The following TCF12 variants were observed in gnomAD, a reference collection of about 807,000 sequenced individuals.
TCF12 encodes DNA-binding protein HTF4.
A neutral mutation model predicts 86.0 loss-of-function variants in TCF12; 45 were observed. The observed-to-expected ratio is 0.52, with a 90% CI of 0.41 to 0.67. The LOEUF is 0.67. Among genes scored for constraint, TCF12 ranks in the 30% least tolerant of loss-of-function variants. The probability of loss-of-function intolerance (pLI) is 0.00; values close to 1 mark genes in which losing one functional copy is unlikely to be tolerated. For synonymous variants in TCF12, 330 were observed against 299.6 expected (o/e 1.10, Z -1.05); for missense variants, 881 against 859.9 (o/e 1.02, Z -0.31).
chr15:57,130,895 G>A (rs1337243820), intron 5 of TCF12, among the ~76,000 whole-genome samples: 2 of 152,042 alleles, frequency 1.3e-5, no homozygotes, highest in Non-Finnish European at 1.5e-5. Flanking sequence ...TTAGGTAACT[G>A]GTCCAAAAGT....
chr15:57,147,439 A>G (rs2053434294), intron 5 of TCF12, among the ~76,000 whole-genome samples: 1 of 152,196 alleles, frequency 6.6e-6, no homozygotes, highest in Non-Finnish European at 1.5e-5. Flanking sequence ...TGTTTTTTAA[A>G]TTAATCCTGC....
intron 4 of TCF12, among the ~76,000 whole-genome samples, chr15:57,087,353 G>A (rs1201864831): frequency 2.0e-5 from 3 of 148,798 alleles, no homozygotes; most frequent in Non-Finnish European, 4.4e-5. Context: ...TTGAGGCTGC[G>A]TTGAGCTGTG....
chr15:56,935,658 C>T (rs545102998), intron 3 of TCF12, among the ~76,000 whole-genome samples: 37 of 152,214 alleles, frequency 2.4e-4, no homozygotes, highest in African/African-American at 8.9e-4. Flanking sequence ...CCCCAAAGTC[C>T]AAGGTATCAT....
At chr15:57,029,114 G>A (rs1207108621) in intron 3 of TCF12, among the ~76,000 whole-genome samples, 1 of 152,076 alleles carries the variant, frequency 6.6e-6, no homozygotes, top group African/African-American at 2.4e-5. Flanking sequence ...TGTATCATAA[G>A]CATTTCAAAT....
intron 16 of TCF12, among the ~76,000 whole-genome samples, chr15:57,260,571 C>G (rs2060543223): frequency 1.3e-5 from 2 of 152,014 alleles, no homozygotes; most frequent in African/African-American, 4.8e-5. Flanking sequence ...AGTTTTAAGT[C>G]CACATTATTA....
At chr15:56,981,505 C>T (rs1365614743) in intron 3 of TCF12, among the ~76,000 whole-genome samples, 1 of 152,130 alleles carries the variant, frequency 6.6e-6, no homozygotes, top group African/African-American at 2.4e-5. Context: ...CCTGTTAGGC[C>T]TCACTTCTCA....
rs1338145525 is a variant in TCF12, at chr15:57,287,674, A to C, written c.*1529A>C. The C allele has an allele frequency of 6.6e-6, 1 of 152,654 alleles. No individual in the cohort carries two copies. Among genetic ancestry groups the C allele is most frequent in the Non-Finnish European group, 1.5e-5 (1 of 68,042 alleles). The allele number at this position is 152,654 out of a possible 1,614,324, so 9.5% of individuals were successfully genotyped here. ...AACAGTGGCAATCAGCACACAGAGGAAAGGACCCAAATCACTATGTAGCTT... is the reference window on the plus strand; with the variant it reads ...AACAGTGGCAATCAGCACACAGAGGCAAGGACCCAAATCACTATGTAGCTT... On this transcript the variant is annotated 3_prime_UTR_variant, in exon 21 of 21. Transcript: ENST00000333725.
At chr15:57,221,308 A>G (rs1322106091) in intron 8 of TCF12, among the ~76,000 whole-genome samples, 4 of 152,042 alleles carry the variant, frequency 2.6e-5, no homozygotes, top group Non-Finnish European at 4.4e-5. Flanking sequence ...CTGTCTTTCA[A>G]ATGTGAAAAT....
intron 3 of TCF12, among the ~76,000 whole-genome samples, chr15:56,992,307 C>A (rs531530866): frequency 6.6e-6 from 1 of 152,242 alleles, no homozygotes; most frequent in East Asian, 1.9e-4. Context: ...AGCCTTGCTT[C>A]TAAATCCAGT....
At chr15:57,262,532 CAG>C (rs1176259438) in intron 17 of TCF12, among the ~76,000 whole-genome samples, 3 of 152,140 alleles carry the variant, frequency 2.0e-5, no homozygotes, top group South Asian at 2.1e-4. Context: ...GAGGCATTGA[CAG>C]AGATATTTCT....
intron 8 of TCF12, among the ~76,000 whole-genome samples, chr15:57,226,465 G>A (rs1375876126): frequency 6.6e-6 from 1 of 152,042 alleles, no homozygotes; most frequent in East Asian, 1.9e-4. Context: ...CATATTTGAG[G>A]CCCACATTAG....
intron 6 of TCF12, among the ~76,000 whole-genome samples, chr15:57,170,683 AT>A (rs1567558103): frequency 0.24 from 4,088 of 17,228 alleles, 448 homozygotes; most frequent in Admixed American, 0.29. Flanking sequence ...ATAATATATT[AT>A]ATATAATATA....
intron 11 of TCF12, 143 bp downstream of exon 11, chr15:57,232,999 T>C: frequency 2.3e-6 from 1 of 431,480 alleles, no homozygotes; most frequent in Non-Finnish European, 3.4e-6. Context: ...GTGTGTTATA[T>C]GTATATATGT....
chr15:57,142,304 T>TAGATAGATAGATAGATAG (rs2053028299), intron 5 of TCF12, among the ~76,000 whole-genome samples: 35 of 149,612 alleles, frequency 2.3e-4, no homozygotes, highest in Non-Finnish European at 4.3e-4. Flanking sequence ...CTCACACTTT[T>TAGATAGATAGATAGATAG]ATAGATAGAT....
At position 57,074,643 on chromosome 15, in the gene TCF12, G is replaced by C. The variant is rs116457389; in HGVS notation, c.222+10820G>C. Among the ~76,000 whole-genome samples the C allele has an allele frequency of 1.5e-3, 223 of 152,280 alleles. 2 individuals carry two copies. Among genetic ancestry groups the C allele is most frequent in the African/African-American group, 5.1e-3 (210 of 41,556 alleles). ...CCACCTTAGCCTCCTGATTAGTTGG[G>C]ATTACAGAGGTCTACCACCACAGTT... On this transcript the variant is annotated intron_variant, in intron 4 of 20. Coordinates refer to ENST00000333725, the MANE Select transcript of TCF12 (RefSeq NM_207037.2).
chr15:56,973,174 C>T (rs1166947136), intron 3 of TCF12, among the ~76,000 whole-genome samples: 1 of 152,022 alleles, frequency 6.6e-6, no homozygotes, highest in African/African-American at 2.4e-5. Flanking sequence ...CTCCCGCCTC[C>T]CTCCCTCCCA....
At chr15:57,120,380 T>G (rs1335897059) in intron 5 of TCF12, among the ~76,000 whole-genome samples, 1 of 152,228 alleles carries the variant, frequency 6.6e-6, no homozygotes, top group East Asian at 1.9e-4. Flanking sequence ...GATGTCTTGA[T>G]TCATTTCTTC....
chr15:57,242,315 C>G lies in TCF12; in HGVS notation c.1036-1157C>G, dbSNP rs2059669295. On this transcript the variant is annotated intron_variant, in intron 12 of 20. Transcript: ENST00000333725. ...CTGAGATACGAAAATGATTATTATG[C>G]ATATTAAAAGAATAGGATTGTCCAA... Among the ~76,000 whole-genome samples, 3 of 152,116 alleles carry G rather than the reference C, an allele frequency of 2.0e-5. No homozygotes were observed. The South Asian group carries it at 6.2e-4, about 31-fold the overall frequency.
At chr15:57,272,866 A>G (rs1299297101) in intron 18 of TCF12, among the ~76,000 whole-genome samples, 164 bp from the exon 19 acceptor site, 1 of 152,242 alleles carries the variant, frequency 6.6e-6, no homozygotes, top group East Asian at 1.9e-4. Context: ...CATTGAAGAA[A>G]AATTTGAAAG....
Sources: gnomAD v4.1 joint callset for allele counts (sites outside exome capture counted in the v4.1 genomes callset) on GRCh38, gnomAD v4.1.1 for gene constraint, MANE v1.5 for transcripts, NCBI Gene and HGNC (gene_info 2026-07-23, HGNC 2026-07-21) for gene names.